The following IQCM variants were observed in gnomAD, a reference collection of about 807,000 sequenced individuals.
IQCM encodes IQ domain-containing protein M.
A neutral mutation model predicts 57.6 loss-of-function variants in IQCM; 45 were observed. The ratio of observed to expected loss-of-function variants is 0.78; its 90% CI spans 0.62 to 1.00. IQCM has a LOEUF of 1.00. Among genes scored for constraint, IQCM ranks in the 50% least tolerant of loss-of-function variants. The pLI is 0.00. For missense variants in IQCM, 468 were observed against 511.6 expected (o/e 0.91, Z 0.82); for synonymous variants, 148 against 158.9 (o/e 0.93, Z 0.51).
intron 2 of IQCM, among the ~76,000 whole-genome samples, chr4:149,766,278 C>T (rs1254252911): frequency 6.6e-6 from 1 of 152,132 alleles, no homozygotes; most frequent in Non-Finnish European, 1.5e-5. Flanking sequence ...GATGAAGGGG[C>T]AGTCACATAC....
chr4:149,544,803 T>G (rs1398782897), intron 12 of IQCM, among the ~76,000 whole-genome samples: 1 of 152,112 alleles, frequency 6.6e-6, no homozygotes, highest in African/African-American at 2.4e-5. Context: ...GAAAGGATAG[T>G]TTTTACAATA....
chr4:149,385,763 A>C (rs1030535473), intron 13 of IQCM, among the ~76,000 whole-genome samples: 1 of 152,132 alleles, frequency 6.6e-6, no homozygotes, highest in Non-Finnish European at 1.5e-5. Context: ...CCCCCAAAAT[A>C]TCTTTCAAAT....
At chr4:149,612,381 A>C (rs1380749332) in intron 8 of IQCM, among the ~76,000 whole-genome samples, 1 of 152,244 alleles carries the variant, frequency 6.6e-6, no homozygotes, top group South Asian at 2.1e-4. Flanking sequence ...CCTGAGCTTC[A>C]TTTTATTTTT....
intron 13 of IQCM, among the ~76,000 whole-genome samples, chr4:149,424,783 T>C (rs1734353389): frequency 3.9e-5 from 6 of 152,000 alleles, no homozygotes; most frequent in Admixed American, 3.9e-4. Context: ...ATTTGCATTG[T>C]TTCAACATTT....
chr4:149,718,037 C>CT (rs1430847541), intron 5 of IQCM, among the ~76,000 whole-genome samples: 1 of 152,180 alleles, frequency 6.6e-6, no homozygotes, highest in Non-Finnish European at 1.5e-5. Context: ...ACAAAGAAGA[C>CT]TGGCTAGACA....
At chr4:149,388,948 T>C (rs990867772) in intron 13 of IQCM, among the ~76,000 whole-genome samples, 1 of 151,496 alleles carries the variant, frequency 6.6e-6, no homozygotes, top group Admixed American at 6.6e-5. Context: ...TTTAACTTTC[T>C]TGATGGGTGC....
At chr4:149,356,233 A>G (rs1728968757) in intron 13 of IQCM, among the ~76,000 whole-genome samples, 1 of 152,158 alleles carries the variant, frequency 6.6e-6, no homozygotes, top group South Asian at 2.1e-4. Flanking sequence ...TGCTGTACAG[A>G]AGCTCTTTAG....
intron 13 of IQCM, among the ~76,000 whole-genome samples, chr4:149,408,811 C>G (rs1467940692): frequency 6.6e-6 from 1 of 152,088 alleles, no homozygotes; most frequent in East Asian, 1.9e-4. Context: ...GACATCTCCC[C>G]AGCTGATGCT....
At chr4:149,570,017 TA>T (rs1321902647) in intron 9 of IQCM, among the ~76,000 whole-genome samples, 1 of 152,038 alleles carries the variant, frequency 6.6e-6, no homozygotes, top group African/African-American at 2.4e-5. Flanking sequence ...TGGTTTCAAC[TA>T]ACCCTTCAGA....
chr4:149,815,292 G>T lies in IQCM; in HGVS notation c.-49+19C>A, dbSNP rs1018378206. On this transcript the variant is annotated intron_variant, in intron 2 of 13. Coordinates refer to ENST00000636793, the MANE Select transcript of IQCM (RefSeq NM_001363507.2). ...TGAATTGTTATATACAGACAACGTGGTATATTAGTAACTTCTACCTTAAAG... is the reference window on the plus strand; with the variant it reads ...TGAATTGTTATATACAGACAACGTGTTATATTAGTAACTTCTACCTTAAAG... The T allele has an allele frequency of 1.3e-5, 2 of 151,850 alleles. No homozygotes were observed. Among genetic ancestry groups the T allele is most frequent in the South Asian group, 4.1e-4 (2 of 4,820 alleles). The allele number at this position is 151,850 out of a possible 1,614,324, so 9.4% of individuals were successfully genotyped here.
chr4:149,690,462 T>G (rs562306170), intron 5 of IQCM, among the ~76,000 whole-genome samples: 1 of 152,012 alleles, frequency 6.6e-6, no homozygotes, highest in East Asian at 1.9e-4. Flanking sequence ...AGACTACAAA[T>G]AGGGTGCAGC....
At chr4:149,685,756 C>A (rs1477425448) in intron 6 of IQCM, among the ~76,000 whole-genome samples, 1 of 151,468 alleles carries the variant, frequency 6.6e-6, no homozygotes, top group African/African-American at 2.4e-5. Context: ...AATGTTCTTA[C>A]CAAATATGTG....
At chr4:149,475,840 T>G (rs1162896904) in intron 12 of IQCM, among the ~76,000 whole-genome samples, 1 of 152,084 alleles carries the variant, frequency 6.6e-6, no homozygotes, top group Non-Finnish European at 1.5e-5. Context: ...GTCAGCCAAA[T>G]GAAGGTTATT....
At chr4:149,594,243 A>C (rs922770063) in intron 8 of IQCM, among the ~76,000 whole-genome samples, 1 of 152,072 alleles carries the variant, frequency 6.6e-6, no homozygotes, top group African/African-American at 2.4e-5. Context: ...GTTCATTTGC[A>C]TAGGGGTGTT....
rs144852833 is a variant in IQCM, at chr4:149,654,324, T to C, written c.565+27794A>G. ...GGAGATGGGGTGTGGTAGGAGGTGT[T>C]TGGGCCATGGGGGTGGATCCCTCAT... On this transcript the variant is annotated intron_variant, in intron 7 of 13. Transcript: ENST00000636793. 1.5e-4 allele frequency among the ~76,000 whole-genome samples: 23 copies of C among 152,200 alleles called. No homozygotes were observed. The East Asian group carries it at 3.5e-3, about 23-fold the overall frequency.
chr4:149,381,160 C>T (rs1363494754), intron 13 of IQCM, among the ~76,000 whole-genome samples: 1 of 152,124 alleles, frequency 6.6e-6, no homozygotes, highest in East Asian at 1.9e-4. Context: ...GCACGTCCTG[C>T]TGACTCTATT....
chr4:149,687,370 C>T (rs1218443007), intron 5 of IQCM, among the ~76,000 whole-genome samples: 1 of 150,876 alleles, frequency 6.6e-6, no homozygotes, highest in African/African-American at 2.4e-5. Flanking sequence ...GCAGATTCAA[C>T]CAACCACAGA....
chr4:149,442,813 A>G (rs976318709), intron 12 of IQCM, among the ~76,000 whole-genome samples: 3 of 151,874 alleles, frequency 2.0e-5, no homozygotes, highest in African/African-American at 7.2e-5. Flanking sequence ...TTTTTCTGTA[A>G]GGCTCCTCAA....
intron 7 of IQCM, among the ~76,000 whole-genome samples, chr4:149,672,128 C>A (rs961096990): frequency 2.0e-5 from 3 of 152,110 alleles, no homozygotes; most frequent in Non-Finnish European, 4.4e-5. Context: ...ACATCACCAT[C>A]ATCAAAGACG....
Sources: gnomAD v4.1 joint callset for allele counts (sites outside exome capture counted in the v4.1 genomes callset) on GRCh38, gnomAD v4.1.1 for gene constraint, MANE v1.5 for transcripts, NCBI Gene and HGNC (gene_info 2026-07-23, HGNC 2026-07-21) for gene names.